Variants in CDC42EP3 observed in about 807,000 individuals in gnomAD.
CDC42EP3 encodes the protein CDC42 effector protein (Rho GTPase binding) 3.
A neutral mutation model predicts 15.5 loss-of-function variants in CDC42EP3; 4 were observed. The ratio of observed to expected loss-of-function variants is 0.26; its 90% CI spans 0.13 to 0.59. CDC42EP3 has a LOEUF of 0.59. Ranked by LOEUF, CDC42EP3 falls within the 20% of genes least tolerant of loss-of-function variation. The probability of loss-of-function intolerance (pLI) is 0.89; values close to 1 mark genes in which losing one functional copy is unlikely to be tolerated. For synonymous variants in CDC42EP3, 145 were observed against 130.3 expected, an observed-to-expected ratio of 1.11 and a Z score of -0.77; for missense variants, 309 against 311.2, an observed-to-expected ratio of 0.99 and a Z score of 0.05.
At chr2:37,653,886 T>A (rs1327107142) in intron 1 of CDC42EP3, among the ~76,000 whole-genome samples, 1 of 152,212 alleles carries the variant, frequency 6.6e-6, no homozygotes, top group Non-Finnish European at 1.5e-5. Flanking sequence ...CTCTGTTCTT[T>A]TCTCCTCCTT....
chr2:37,654,051 C>T (rs1320252776), intron 1 of CDC42EP3, among the ~76,000 whole-genome samples: 2 of 152,150 alleles, frequency 1.3e-5, no homozygotes, highest in Non-Finnish European at 2.9e-5. Context: ...CATCTGAGCC[C>T]CATGCCAGAG....
intron 1 of CDC42EP3, among the ~76,000 whole-genome samples, chr2:37,664,443 C>A (rs1403084276): frequency 1.3e-5 from 2 of 152,172 alleles, no homozygotes; most frequent in Non-Finnish European, 2.9e-5. Context: ...AGCTTGCAGA[C>A]AGCCTATTAT....
chr2:37,668,280 A>T (rs1666305081), intron 1 of CDC42EP3, among the ~76,000 whole-genome samples: 1 of 152,218 alleles, frequency 6.6e-6, no homozygotes, highest in Non-Finnish European at 1.5e-5. Flanking sequence ...ATAGTTATGA[A>T]TATTACATGA....
At chr2:37,648,404 G>C (rs570942908) in intron 1 of CDC42EP3, among the ~76,000 whole-genome samples, 53 of 152,312 alleles carry the variant, frequency 3.5e-4, no homozygotes, top group Non-Finnish European at 6.5e-4. Context: ...TTTCCTTTCA[G>C]CAAGAGTTTT....
chr2:37,664,018 C>A (rs765881238), intron 1 of CDC42EP3, among the ~76,000 whole-genome samples: 8 of 152,104 alleles, frequency 5.3e-5, no homozygotes, highest in Non-Finnish European at 1.2e-4. Flanking sequence ...ATTAAACATA[C>A]AAAAAATTAG....
At chr2:37,661,110 AGTGT>A (rs34074254) in intron 1 of CDC42EP3, among the ~76,000 whole-genome samples, 117 of 141,422 alleles carry the variant, frequency 8.3e-4, no homozygotes, top group East Asian at 7.3e-3. Flanking sequence ...GTGTGTGTAC[AGTGT>A]GTGTGTGTGT....
intron 1 of CDC42EP3, among the ~76,000 whole-genome samples, chr2:37,657,418 T>C (rs1202525010): frequency 6.6e-6 from 1 of 152,208 alleles, no homozygotes; most frequent in African/African-American, 2.4e-5. Context: ...TGCCTGATAT[T>C]TCCAGGTGGC....
intron 1 of CDC42EP3, among the ~76,000 whole-genome samples, chr2:37,648,712 C>T (rs959284364): frequency 1.3e-5 from 2 of 152,220 alleles, no homozygotes; most frequent in Non-Finnish European, 2.9e-5. Context: ...AGTTTTAGCT[C>T]TAATTTGGGT....
At chr2:37,657,378 A>T (rs556121062) in intron 1 of CDC42EP3, among the ~76,000 whole-genome samples, 7 of 152,072 alleles carry the variant, frequency 4.6e-5, no homozygotes, top group African/African-American at 1.4e-4. Flanking sequence ...GTATTATGTG[A>T]TTTGTTGTTT....
At chr2:37,650,007 T>C (rs544734858) in intron 1 of CDC42EP3, among the ~76,000 whole-genome samples, 96 of 152,188 alleles carry the variant, frequency 6.3e-4, no homozygotes, top group African/African-American at 2.3e-3. Flanking sequence ...ATAATTTGAA[T>C]TGAATCTGAA....
chr2:37,647,467 G>C (rs1008091065), intron 1 of CDC42EP3: 1 of 152,226 alleles, frequency 6.6e-6, no homozygotes, highest in African/African-American at 2.4e-5. Flanking sequence ...GTATTGGGCT[G>C]TCGAGGATGT....
chr2:37,667,673 A>C (rs1666287152), intron 1 of CDC42EP3, among the ~76,000 whole-genome samples: 1 of 152,228 alleles, frequency 6.6e-6, no homozygotes, highest in Non-Finnish European at 1.5e-5. Flanking sequence ...TAATTTACAT[A>C]GTGTTCCTCA....
chr2:37,661,405 T>C (rs1380582687), intron 1 of CDC42EP3, among the ~76,000 whole-genome samples: 1 of 152,130 alleles, frequency 6.6e-6, no homozygotes, highest in African/African-American at 2.4e-5. Flanking sequence ...ATAGGGCAAG[T>C]GACTTGGAAG....
chr2:37,662,956 G>C (rs1666115290), intron 1 of CDC42EP3, among the ~76,000 whole-genome samples: 2 of 152,186 alleles, frequency 1.3e-5, no homozygotes, highest in Non-Finnish European at 1.5e-5. Flanking sequence ...CCTGAGGTTA[G>C]GAGTTCGTGA....
intron 1 of CDC42EP3, among the ~76,000 whole-genome samples, chr2:37,656,023 G>C (rs1216575004): frequency 6.6e-6 from 1 of 152,190 alleles, no homozygotes; most frequent in Non-Finnish European, 1.5e-5. Flanking sequence ...AAAGTTCCTA[G>C]CCATTTGCCT....
intron 1 of CDC42EP3, chr2:37,647,385 G>C (rs1665512742): frequency 2.0e-5 from 3 of 152,324 alleles, no homozygotes; most frequent in South Asian, 4.1e-4. Context: ...CCTTCCCCTA[G>C]AAAGTTACCT....
At chr2:37,655,522 G>A (rs1321003844) in intron 1 of CDC42EP3, among the ~76,000 whole-genome samples, 1 of 152,166 alleles carries the variant, frequency 6.6e-6, no homozygotes, top group African/African-American at 2.4e-5. Flanking sequence ...ATGAGTTACT[G>A]GGGAAGACTC....
intron 1 of CDC42EP3, among the ~76,000 whole-genome samples, chr2:37,650,739 C>T (rs1665646435): frequency 6.6e-6 from 1 of 152,208 alleles, no homozygotes; most frequent in Non-Finnish European, 1.5e-5. Flanking sequence ...GAAAGGGGTG[C>T]ATTCCAAAGC....
intron 1 of CDC42EP3, among the ~76,000 whole-genome samples, chr2:37,669,786 C>T (rs139090110): frequency 3.5e-4 from 54 of 152,302 alleles, no homozygotes; most frequent in African/African-American, 1.2e-3. Context: ...ATGGGTGAGG[C>T]CCATTGGGAA....
Sources: allele counts gnomAD v4.1 joint callset (sites outside exome capture counted in the v4.1 genomes callset), GRCh38; gene constraint gnomAD v4.1.1; transcripts MANE v1.5; gene names NCBI Gene and HGNC (gene_info 2026-07-23, HGNC 2026-07-21).